The following CTNNA3 variants were observed in gnomAD, a reference collection of about 807,000 sequenced individuals.
CTNNA3 encodes catenin alpha-3.
A neutral mutation model predicts 95.7 loss-of-function variants in CTNNA3; 76 were observed. That is an observed-to-expected ratio of 0.79 (90% CI 0.66 to 0.96). The LOEUF (loss-of-function observed/expected upper bound fraction) is 0.96. CTNNA3 is among the 40% of genes least tolerant of loss of function. The pLI is 0.00. For missense variants in CTNNA3, 1,191 were observed against 1,089.8 expected (o/e 1.09, Z -1.31); for synonymous variants, 431 against 374.4 (o/e 1.15, Z -1.74).
chr10:65,970,890 T>C (rs1182068127), intron 16 of CTNNA3, among the ~76,000 whole-genome samples: 1 of 151,218 alleles, frequency 6.6e-6, no homozygotes, highest in Non-Finnish European at 1.5e-5. Flanking sequence ...TACTTCTAGA[T>C]CTACAAAAAG....
chr10:66,622,919 G>A (rs1315315125), intron 9 of CTNNA3, among the ~76,000 whole-genome samples: 4 of 151,776 alleles, frequency 2.6e-5, no homozygotes, highest in African/African-American at 7.3e-5. Flanking sequence ...ATAACTCCTC[G>A]GTTTTCATTC....
chr10:66,607,823 C>A (rs1253722445), intron 10 of CTNNA3, among the ~76,000 whole-genome samples: 1 of 152,118 alleles, frequency 6.6e-6, no homozygotes, highest in Non-Finnish European at 1.5e-5. Flanking sequence ...TCATCTATGA[C>A]AAACACACAG....
At chr10:66,039,740 C>G (rs181993835) in intron 15 of CTNNA3, among the ~76,000 whole-genome samples, 14 of 152,102 alleles carry the variant, frequency 9.2e-5, no homozygotes, top group Admixed American at 8.5e-4. Flanking sequence ...CAAGATGGAT[C>G]AAAGACTTAA....
chr10:67,172,308 C>A (rs1169600709), intron 7 of CTNNA3, among the ~76,000 whole-genome samples: 1 of 152,146 alleles, frequency 6.6e-6, no homozygotes, highest in Non-Finnish European at 1.5e-5. Flanking sequence ...TTCTCCTTGA[C>A]AACTAAGACT....
At chr10:67,124,807 A>T (rs1233375727) in intron 7 of CTNNA3, among the ~76,000 whole-genome samples, 2 of 152,270 alleles carry the variant, frequency 1.3e-5, no homozygotes, top group Non-Finnish European at 1.5e-5. Flanking sequence ...ACAAAGTGAC[A>T]TGAACTAATT....
At chr10:66,223,096 T>C (rs918756483) in intron 13 of CTNNA3, among the ~76,000 whole-genome samples, 5 of 152,076 alleles carry the variant, frequency 3.3e-5, no homozygotes, top group African/African-American at 9.7e-5. Context: ...CTTAACAAAA[T>C]GTTTATAATT....
At chr10:67,319,033 C>A (rs557396497) in intron 5 of CTNNA3, among the ~76,000 whole-genome samples, 1 of 152,300 alleles carries the variant, frequency 6.6e-6, no homozygotes, top group South Asian at 2.1e-4. Flanking sequence ...GTAGTTTATG[C>A]TGACCATCTG....
chr10:67,418,948 T>C (rs1845642356), intron 5 of CTNNA3, among the ~76,000 whole-genome samples: 1 of 152,010 alleles, frequency 6.6e-6, no homozygotes, highest in Admixed American at 6.5e-5. Flanking sequence ...TTTTAAAATA[T>C]CATTCACATG....
chr10:67,261,560 C>T (rs1177106135), intron 5 of CTNNA3, among the ~76,000 whole-genome samples: 2 of 152,092 alleles, frequency 1.3e-5, no homozygotes, highest in Non-Finnish European at 2.9e-5. Flanking sequence ...CAGAGGTATG[C>T]TTTCTCATTA....
chr10:66,900,276 G>A lies in CTNNA3; in HGVS notation c.1048-124752C>T, dbSNP rs542209012. ...AAACTCCAACAGACCTGCAGCTGAGGGGCCTGACTGTTACAAGGAAAACTA... is the reference window on the plus strand; with the variant it reads ...AAACTCCAACAGACCTGCAGCTGAGAGGCCTGACTGTTACAAGGAAAACTA... On this transcript the variant is annotated intron_variant, in intron 7 of 17. Coordinates refer to ENST00000433211, the MANE Select transcript of CTNNA3 (RefSeq NM_013266.4). 4.6e-5 allele frequency among the ~76,000 whole-genome samples: 7 copies of A among 152,248 alleles called. No individual in the cohort carries two copies. The South Asian group carries it at 1.5e-3, about 32-fold the overall frequency.
intron 13 of CTNNA3, among the ~76,000 whole-genome samples, chr10:66,258,332 A>G (rs1291033068): frequency 1.3e-5 from 2 of 152,216 alleles, no homozygotes; most frequent in African/African-American, 2.4e-5. Flanking sequence ...GAGCCTCTCT[A>G]GCGCTCCTGA....
intron 12 of CTNNA3, among the ~76,000 whole-genome samples, chr10:66,325,567 G>C (rs10822809): frequency 0.14 from 21,687 of 151,996 alleles, 1,755 homozygotes; most frequent in East Asian, 0.26. Flanking sequence ...CTTAATAATT[G>C]TTTTCAATGA....
At chr10:66,239,809 A>C (rs2132035161) in intron 13 of CTNNA3, among the ~76,000 whole-genome samples, 1 of 152,082 alleles carries the variant, frequency 6.6e-6, no homozygotes, top group South Asian at 2.1e-4. Context: ...TTAACTGTTA[A>C]ATTGGGCATT....
At chr10:67,406,009 C>T (rs1485360966) in intron 5 of CTNNA3, among the ~76,000 whole-genome samples, 1 of 152,124 alleles carries the variant, frequency 6.6e-6, no homozygotes, top group African/African-American at 2.4e-5. Context: ...GGGAAGTAAT[C>T]AGAACATGGG....
chr10:66,015,066 G>C (rs1589250939), intron 15 of CTNNA3, among the ~76,000 whole-genome samples: 2 of 151,952 alleles, frequency 1.3e-5, no homozygotes, highest in South Asian at 2.1e-4. Context: ...TCACACCACT[G>C]CACTTCAGCA....
intron 7 of CTNNA3, among the ~76,000 whole-genome samples, chr10:66,867,423 C>T (rs1844222821): frequency 6.6e-6 from 1 of 151,916 alleles, no homozygotes; most frequent in Non-Finnish European, 1.5e-5. Flanking sequence ...TGCATATTGT[C>T]CTCACATTTG....
At chr10:66,712,676 G>C (rs12764907) in intron 9 of CTNNA3, among the ~76,000 whole-genome samples, 4,877 of 152,084 alleles carry the variant, frequency 0.032, 205 homozygotes, top group East Asian at 0.22. Context: ...CTATGGCACA[G>C]CAGAGTGTGT....
upstream of CTNNA3, among the ~76,000 whole-genome samples, chr10:67,699,456 C>G (rs1432787194): frequency 6.6e-6 from 1 of 152,210 alleles, no homozygotes; most frequent in Non-Finnish European, 1.5e-5. Context: ...CCTATGGCTT[C>G]AAATGAGATC....
chr10:67,111,101 C>T (rs922557032), intron 7 of CTNNA3, among the ~76,000 whole-genome samples: 2 of 152,122 alleles, frequency 1.3e-5, no homozygotes, highest in African/African-American at 4.8e-5. Flanking sequence ...CTCTTCCTCT[C>T]CTCTTCACGT....
Sources: allele counts gnomAD v4.1 joint callset (sites outside exome capture counted in the v4.1 genomes callset), GRCh38; gene constraint gnomAD v4.1.1; transcripts MANE v1.5; gene names NCBI Gene and HGNC (gene_info 2026-07-23, HGNC 2026-07-21).